IL1RAPL2: variants seen among roughly 807,000 people sequenced by gnomAD.
IL1RAPL2 encodes X-linked interleukin-1 receptor accessory protein-like 2.
IL1RAPL2 carries 3 observed loss-of-function variants against 44.1 expected under a neutral mutation model. The observed-to-expected ratio is 0.07, with a 90% CI of 0.03 to 0.18. The LOEUF is 0.18. Among genes scored for constraint, IL1RAPL2 ranks in the 10% least tolerant of loss-of-function variants. IL1RAPL2 has a pLI of 1.00. For missense variants in IL1RAPL2, 391 were observed against 496.4 expected, an observed-to-expected ratio of 0.79 and a Z score of 2.02; for synonymous variants, 181 against 178.8, an observed-to-expected ratio of 1.01 and a Z score of -0.10.
At chrX:105,374,810 C>T (rs373740534) in intron 5 of IL1RAPL2, among the ~76,000 whole-genome samples, 36 of 107,658 alleles carry the variant, frequency 3.3e-4, no homozygotes, top group South Asian at 2.9e-3. Context: ...TAGCCGGGCG[C>T]GGTGGTGGGC....
chrX:104,935,387 T>C (rs932365214), intron 2 of IL1RAPL2, among the ~76,000 whole-genome samples: 2 of 112,096 alleles, frequency 1.8e-5, no homozygotes, highest in Non-Finnish European at 3.8e-5. Flanking sequence ...ATCTCAGTCA[T>C]TTCATTAAGA....
chrX:105,370,825 A>C (rs778281793), intron 5 of IL1RAPL2, among the ~76,000 whole-genome samples: 1 of 112,278 alleles, frequency 8.9e-6, no homozygotes, highest in African/African-American at 3.2e-5. Flanking sequence ...ATGGCTGAAC[A>C]TGGCTTTCCA....
intron 3 of IL1RAPL2, among the ~76,000 whole-genome samples, chrX:105,205,546 C>A (rs1342566692): frequency 1.1e-5 from 1 of 87,556 alleles, no homozygotes; most frequent in Non-Finnish European, 2.1e-5. Context: ...GCTGAGACTG[C>A]GCCACGGCAC....
Position 105,150,292 on chromosome X carries a change from A to T in IL1RAPL2, c.83-45183A>T, listed in dbSNP as rs192606775. 3.1e-3 allele frequency among the ~76,000 whole-genome samples: 351 copies of T among 111,825 alleles called. 2 individuals are homozygous for T. The highest frequency in any genetic ancestry group is 0.011 in the African/African-American group (340 of 30,810). ...TGGTCTGCCAGTGAGGTGGAGTGAT[A>T]GCAAAGCGGAGCAACCTCTACTTTC... On this transcript the variant is annotated intron_variant, in intron 2 of 10. Transcript: ENST00000372582.
At chrX:104,713,042 T>G (rs1222632259) in intron 2 of IL1RAPL2, among the ~76,000 whole-genome samples, 4 of 111,196 alleles carry the variant, frequency 3.6e-5, no homozygotes, top group Non-Finnish European at 7.6e-5. Context: ...CTTTCAATGC[T>G]GGTGTTTTAG....
intron 2 of IL1RAPL2, among the ~76,000 whole-genome samples, chrX:104,945,998 G>A (rs1337879289): frequency 9.1e-6 from 1 of 110,026 alleles, no homozygotes; most frequent in East Asian, 2.9e-4. Flanking sequence ...CATAAATATG[G>A]TTTCATAAGA....
At chrX:105,063,577 C>G (rs1321259792) in intron 2 of IL1RAPL2, among the ~76,000 whole-genome samples, 5 of 112,318 alleles carry the variant, frequency 4.5e-5, no homozygotes, top group African/African-American at 1.6e-4. Context: ...TGATTCAAGA[C>G]TGTCTTCTAT....
chrX:105,757,864 G>A (rs2038653160), intron 10 of IL1RAPL2, among the ~76,000 whole-genome samples: 1 of 111,703 alleles, frequency 9.0e-6, no homozygotes, highest in Non-Finnish European at 1.9e-5. Flanking sequence ...CAGTCACCAT[G>A]TCAGGATTAA....
intron 2 of IL1RAPL2, among the ~76,000 whole-genome samples, chrX:104,861,525 T>C (rs1210677294): frequency 9.0e-6 from 1 of 111,398 alleles, no homozygotes; most frequent in African/African-American, 3.3e-5. Flanking sequence ...CTCCTCTACT[T>C]ACTATGGAGT....
chrX:104,816,944 G>A (rs1921153032), intron 2 of IL1RAPL2, among the ~76,000 whole-genome samples: 2 of 112,810 alleles, frequency 1.8e-5, no homozygotes, highest in Non-Finnish European at 3.7e-5. Flanking sequence ...GCAAAAGGCA[G>A]ATAATAGGAG....
intron 2 of IL1RAPL2, among the ~76,000 whole-genome samples, chrX:104,678,501 C>T (rs760955331): frequency 8.9e-6 from 1 of 111,826 alleles, no homozygotes; most frequent in Non-Finnish European, 1.9e-5. Context: ...GCCACTGCAT[C>T]TCATCCTTCC....
intron 2 of IL1RAPL2, among the ~76,000 whole-genome samples, chrX:104,849,244 C>T (rs1922154580): frequency 9.5e-6 from 1 of 105,351 alleles, no homozygotes; most frequent in Non-Finnish European, 2.0e-5. Context: ...GTTGCCCAGG[C>T]TGGCCACGTT....
At chrX:104,773,703 T>C (rs1421798522) in intron 2 of IL1RAPL2, among the ~76,000 whole-genome samples, 1 of 112,125 alleles carries the variant, frequency 8.9e-6, no homozygotes, top group Non-Finnish European at 1.9e-5. Flanking sequence ...ACTTCTGGAG[T>C]TGCTACAGCC....
chrX:105,477,874 A>G (rs1380310161), intron 5 of IL1RAPL2, among the ~76,000 whole-genome samples: 1 of 112,117 alleles, frequency 8.9e-6, no homozygotes, highest in Non-Finnish European at 1.9e-5. Context: ...AGCCCATGGA[A>G]TGGTTGCTAC....
intron 6 of IL1RAPL2, among the ~76,000 whole-genome samples, chrX:105,507,492 C>T (rs1326395933): frequency 3.6e-5 from 4 of 111,458 alleles, no homozygotes; most frequent in African/African-American, 9.8e-5. Flanking sequence ...CCATCATACA[C>T]GCACAAGCAA....
At chrX:105,012,471 A>T (rs1294429911) in intron 2 of IL1RAPL2, among the ~76,000 whole-genome samples, 1 of 110,536 alleles carries the variant, frequency 9.0e-6, no homozygotes, top group Non-Finnish European at 1.9e-5. Context: ...ACTTTAAGCA[A>T]TAATTGAGTT....
At chrX:105,654,544 T>G (rs1164907508) in intron 6 of IL1RAPL2, among the ~76,000 whole-genome samples, 4 of 112,007 alleles carry the variant, frequency 3.6e-5, no homozygotes, top group Non-Finnish European at 5.6e-5. Flanking sequence ...CCTTCAAAAC[T>G]GTATCAAATA....
intron 6 of IL1RAPL2, among the ~76,000 whole-genome samples, chrX:105,496,323 C>G (rs2036356262): frequency 8.9e-6 from 1 of 112,317 alleles, no homozygotes; most frequent in Non-Finnish European, 1.9e-5. Flanking sequence ...TGTCACAGGC[C>G]ATTGGTCACT....
intron 2 of IL1RAPL2, among the ~76,000 whole-genome samples, chrX:104,688,303 A>AT (rs972428712): frequency 4.4e-4 from 49 of 111,615 alleles, no homozygotes; most frequent in African/African-American, 8.8e-4. Flanking sequence ...AGTTAAAGGG[A>AT]TTTTTTTTAC....
Sources: gnomAD v4.1 joint callset for allele counts (sites outside exome capture counted in the v4.1 genomes callset) on GRCh38, gnomAD v4.1.1 for gene constraint, MANE v1.5 for transcripts, NCBI Gene and HGNC (gene_info 2026-07-23, HGNC 2026-07-21) for gene names.